NRG2: variants seen among roughly 807,000 people sequenced by gnomAD.
The protein encoded by NRG2 is neuregulin 2.
A neutral mutation model predicts 73.9 loss-of-function variants in NRG2; 27 were observed. That is an observed-to-expected ratio of 0.37 (90% CI 0.27 to 0.50). NRG2 has a LOEUF of 0.50. Ranked by LOEUF, NRG2 falls within the 20% of genes least tolerant of loss-of-function variation. The pLI is 0.96. For synonymous variants in NRG2, 532 were observed against 541.0 expected, an observed-to-expected ratio of 0.98 and a Z score of 0.23; for missense variants, 1,126 against 1,210.1, an observed-to-expected ratio of 0.93 and a Z score of 1.03.
At chr5:139,948,985 G>T (rs959158403) in intron 1 of NRG2, among the ~76,000 whole-genome samples, 1 of 152,036 alleles carries the variant, frequency 6.6e-6, no homozygotes, top group Non-Finnish European at 1.5e-5. Context: ...TCTGAGTCTC[G>T]GTGACCCTGA....
At chr5:139,946,251 G>A (rs1384550757) in intron 1 of NRG2, among the ~76,000 whole-genome samples, 1 of 152,060 alleles carries the variant, frequency 6.6e-6, no homozygotes, top group Non-Finnish European at 1.5e-5. Flanking sequence ...TGCGGTATCA[G>A]AATAAGGACA....
chr5:139,912,876 C>T (rs1314606910), intron 1 of NRG2, among the ~76,000 whole-genome samples: 1 of 152,208 alleles, frequency 6.6e-6, no homozygotes, highest in Non-Finnish European at 1.5e-5. Context: ...AACCGAAATG[C>T]TTTCCAGGGC....
intron 1 of NRG2, among the ~76,000 whole-genome samples, chr5:139,923,461 A>G (rs564781604): frequency 6.6e-6 from 1 of 151,976 alleles, no homozygotes; most frequent in Admixed American, 6.5e-5. Flanking sequence ...TTGCTAAGAA[A>G]CCCTGGTTCC....
chr5:139,965,528 A>G (rs1304587407), intron 1 of NRG2, among the ~76,000 whole-genome samples: 1 of 152,226 alleles, frequency 6.6e-6, no homozygotes, highest in African/African-American at 2.4e-5. Context: ...CTTTCATGCC[A>G]CCACACAGCA....
intron 1 of NRG2, among the ~76,000 whole-genome samples, chr5:139,897,784 C>T (rs1444579270): frequency 6.6e-6 from 1 of 152,194 alleles, no homozygotes; most frequent in Non-Finnish European, 1.5e-5. Flanking sequence ...CATCCCTCTC[C>T]CTCCCTGCCA....
At chr5:139,971,527 C>G (rs1755969754) in intron 1 of NRG2, among the ~76,000 whole-genome samples, 1 of 152,136 alleles carries the variant, frequency 6.6e-6, no homozygotes. Context: ...GTCAAACATG[C>G]CTTTGGCCCA....
intron 1 of NRG2, among the ~76,000 whole-genome samples, chr5:139,977,116 C>T (rs1473719410): frequency 6.6e-6 from 1 of 152,160 alleles, no homozygotes; most frequent in South Asian, 2.1e-4. Flanking sequence ...CATAATACTA[C>T]ATTAATATTG....
At chr5:139,888,560 T>C (rs1485641757) in intron 1 of NRG2, among the ~76,000 whole-genome samples, 5 of 152,154 alleles carry the variant, frequency 3.3e-5, no homozygotes, top group Admixed American at 6.5e-5. Flanking sequence ...ATTGGTCCTT[T>C]CCCTAGCAAC....
chr5:139,881,420 G>A (rs73271418), intron 2 of NRG2, among the ~76,000 whole-genome samples: 24,376 of 152,160 alleles, frequency 0.16, 2,049 homozygotes, highest in Middle Eastern at 0.24. Context: ...CTGTCCTGAC[G>A]GATTCCCATG....
chr5:140,032,707 C>T (rs1442694223), intron 1 of NRG2, among the ~76,000 whole-genome samples: 2 of 152,132 alleles, frequency 1.3e-5, no homozygotes, highest in African/African-American at 2.4e-5. Flanking sequence ...AGATAATTAG[C>T]AATGTGTGGC....
chr5:139,896,799 C>G (rs1240689384), intron 1 of NRG2, among the ~76,000 whole-genome samples: 2 of 152,152 alleles, frequency 1.3e-5, no homozygotes, highest in Admixed American at 6.5e-5. Flanking sequence ...CTCCCCACCC[C>G]CCAGTACCAT....
rs1291821013 is a variant in NRG2 at position 139,856,138 on chromosome 5, C to T, written c.1190-360G>A. 1.1e-5 allele frequency: 3 copies of T among 277,560 alleles called. No individual in the cohort carries two copies. The highest frequency in any genetic ancestry group is 1.4e-4 in the East Asian group (2 of 14,576). The allele number at this position is 277,560 out of a possible 1,614,324, so 17.2% of individuals were successfully genotyped here. On this transcript the variant is annotated intron_variant, in intron 5 of 9. Coordinates refer to ENST00000361474, the MANE Select transcript of NRG2 (RefSeq NM_004883.3). The surrounding 1 kb of genome is among the most constrained non-coding windows in gnomAD (Gnocchi z 4.2). ...AGCAGGGGAGGACAGCTCAGTCTGG[C>T]CGGTGACCCTGCCCTGCTCCACAGT...
Position 139,980,153 on chromosome 5 carries a change from T to C in NRG2, c.700+62217A>G, listed in dbSNP as rs115957151. Among the ~76,000 whole-genome samples, 841 of 152,222 alleles carry C rather than the reference T, an allele frequency of 5.5e-3. 6 individuals carry two copies. The highest frequency in any genetic ancestry group is 0.019 in the African/African-American group (793 of 41,522). On this transcript the variant is annotated intron_variant, in intron 1 of 9. Transcript: ENST00000361474. ...ATCCGGAGGCAGATGGGTTTGGTGA[T>C]GACAGCCCATGAAATTCTCTCCCCA...
At chr5:139,859,903 C>T (rs751821744) in intron 5 of NRG2, 1 of 1,611,484 alleles carries the variant, frequency 6.2e-7, no homozygotes, top group Non-Finnish European at 8.5e-7. Flanking sequence ...TAATTCAAAT[C>T]CAAGGTGCTC....
intron 1 of NRG2, among the ~76,000 whole-genome samples, chr5:139,892,547 C>T (rs891140512): frequency 3.3e-5 from 5 of 152,072 alleles, no homozygotes; most frequent in East Asian, 1.9e-4. Context: ...TGGGCTAGAT[C>T]GGCCCCTCAC....
intron 1 of NRG2, among the ~76,000 whole-genome samples, chr5:140,030,945 T>C (rs1003663586): frequency 5.3e-5 from 8 of 152,160 alleles, no homozygotes; most frequent in African/African-American, 1.9e-4. Flanking sequence ...AAGGATTCCT[T>C]TTGAAAATGA....
rs188534354 is a variant in NRG2 at position 140,043,017 on chromosome 5, C to T, written c.53G>A (p.Arg18Gln). The T allele has an allele frequency of 3.4e-3, 5,348 of 1,575,378 alleles. 16 individuals carry two copies. Among genetic ancestry groups the T allele is most frequent in the Non-Finnish European group, 4.1e-3 (4,789 of 1,166,670 alleles). ...GCTGCTGTCGCTGTAGCTGCTGCAC[C>T]GACCCTTCTCCAGTGGCGGCGGCGG... ...ALPPPPLEKGRCSSYSDSSSS... is the reference protein window; with the variant it reads ...ALPPPPLEKGQCSSYSDSSSS... Residue 18 changes from arginine to glutamine, a missense_variant, in exon 1 of 10, where the codon CGG becomes CAG. Physicochemically the swap from Arg to Gln is conservative, Grantham distance 43 (BLOSUM62 1). Coordinates refer to ENST00000361474, the MANE Select transcript of NRG2 (RefSeq NM_004883.3). This position sits in a 1 kb window ranked among gnomAD's most constrained non-coding sequence, Gnocchi z 6.7.
rs966824616 is a variant in NRG2 at position 139,847,646 on chromosome 5, CT to C, written c.*270del. The C allele has an allele frequency of 9.0e-3, 2,455 of 271,450 alleles. 2 individuals carry two copies. The highest frequency in any genetic ancestry group is 0.012 in the East Asian group (195 of 15,654). The allele number at this position is 271,450 out of a possible 1,614,324, so 16.8% of individuals were successfully genotyped here. A position where few individuals can be genotyped will look rare whatever the true frequency, so the allele number is the denominator to read the frequency against. The stretch of plus-strand genomic sequence containing the variant: ...AGAGTCAAAAAATTGGCCCATCTCT[CT>C]TTTTTTTTTGTTGTTTCTTTTTTTT... On this transcript the variant is annotated 3_prime_UTR_variant, in exon 10 of 10. Transcript: ENST00000361474.
At chr5:140,041,257 C>T (rs985766299) in intron 1 of NRG2, among the ~76,000 whole-genome samples, 3 of 152,324 alleles carry the variant, frequency 2.0e-5, no homozygotes, top group Non-Finnish European at 4.4e-5. Flanking sequence ...GCAAGTCATA[C>T]CGCATGCCAA....
Sources: allele counts gnomAD v4.1 joint callset (sites outside exome capture counted in the v4.1 genomes callset), GRCh38; gene constraint gnomAD v4.1.1; non-coding constraint Gnocchi (gnomAD v3.1); transcripts MANE v1.5; gene names NCBI Gene and HGNC (gene_info 2026-07-23, HGNC 2026-07-21).